The following NCMAP variants were observed in gnomAD, a reference collection of about 807,000 sequenced individuals.
NCMAP encodes the protein noncompact myelin-associated protein.
NCMAP carries 8 observed loss-of-function variants against 7.8 expected under a neutral mutation model. The observed-to-expected ratio is 1.02, with a 90% CI of 0.60 to 1.84. NCMAP has a LOEUF of 1.84. Ranked by LOEUF, NCMAP falls within the 40% of genes most tolerant of loss-of-function variation. The probability of loss-of-function intolerance (pLI) is 0.00; values close to 1 mark genes in which losing one functional copy is unlikely to be tolerated. For missense variants in NCMAP, 112 were observed against 131.4 expected, an observed-to-expected ratio of 0.85 and a Z score of 0.72; for synonymous variants, 41 against 52.9, an observed-to-expected ratio of 0.78 and a Z score of 0.98.
At chr1:24,605,076 A>G (rs79941457) in intron 3 of NCMAP, among the ~76,000 whole-genome samples, 6,027 of 151,912 alleles carry the variant, frequency 0.04, 401 homozygotes, top group African/African-American at 0.14. Context: ...AGATCGCTCC[A>G]CTGCACTCCA....
intron 1 of NCMAP, among the ~76,000 whole-genome samples, chr1:24,564,533 C>CAAA (rs1237685346): frequency 2.4e-5 from 2 of 82,272 alleles, no homozygotes; most frequent in Non-Finnish European, 4.5e-5. Flanking sequence ...AAAAAAAAAA[C>CAAA]AAAAAAAAAC....
rs1570518955 is a variant in NCMAP at position 24,572,818 on chromosome 1, G to A, written c.-8+16649G>A. On this transcript the variant is annotated intron_variant, in intron 1 of 3. Coordinates refer to ENST00000374392, the MANE Select transcript of NCMAP (RefSeq NM_001010980.5). ...TTTTCCTCTGGCACGTCAAGGAGCG[G>A]GCAGGATGGGTGCTGCCAGGCCCTG... Among the ~76,000 whole-genome samples, 3 of 150,750 alleles carry A rather than the reference G, an allele frequency of 2.0e-5. No individual in the cohort carries two copies. In the East Asian group the frequency reaches 5.8e-4, roughly 29 times the overall value.
At chr1:24,567,992 G>A (rs920191450) in intron 1 of NCMAP, among the ~76,000 whole-genome samples, 8 of 152,038 alleles carry the variant, frequency 5.3e-5, no homozygotes, top group East Asian at 3.9e-4. Context: ...CGCCCTGGCC[G>A]TATTGGAATC....
chr1:24,586,759 CAAAAAAAAAA>C (rs71577722), intron 1 of NCMAP, among the ~76,000 whole-genome samples: 1 of 107,426 alleles, frequency 9.3e-6, no homozygotes, highest in Admixed American at 9.8e-5. Context: ...GACTCCATCT[CAAAAAAAAAA>C]AAAAAAAAGC....
rs1652467137 is a variant in NCMAP at position 24,600,946 on chromosome 1, G to A, written c.89G>A (p.Gly30Glu). 1 of 1,614,052 alleles carries A rather than the reference G, an allele frequency of 6.2e-7. No individual in the cohort carries two copies. Reference sequence around the variant, plus strand: ...GCTTCTCTCCTTTCTGTAGGTTCTGGAGCCATTGTTGCTGCCGTTGTGGTG... The same window carrying A: ...GCTTCTCTCCTTTCTGTAGGTTCTGAAGCCATTGTTGCTGCCGTTGTGGTG... ...RGEDFLYKSS[G>E]AIVAAVVVVV... Residue 30 changes from glycine to glutamate, a missense_variant, in exon 3 of 4, where the codon GGA (glycine) becomes GAA (glutamate). Coordinates refer to ENST00000374392, the MANE Select transcript of NCMAP (RefSeq NM_001010980.5).
chr1:24,558,374 C>T (rs1650965102), intron 1 of NCMAP, among the ~76,000 whole-genome samples: 1 of 152,182 alleles, frequency 6.6e-6, no homozygotes. Flanking sequence ...ATGCATCCAC[C>T]CAGGCTGAGG....
Position 24,576,982 on chromosome 1 carries a change from AAAAAAATTAG to A in NCMAP, c.-7-18441_-7-18432del, listed in dbSNP as rs1254053323. ...GTCTCTACTAAAAGCACACACACACAAAAAAATTAGCTGGGCGTGGTGGTGCATGCCTGTG... is the reference window on the plus strand; with the variant it reads ...GTCTCTACTAAAAGCACACACACACACTGGGCGTGGTGGTGCATGCCTGTG... On this transcript the variant is annotated intron_variant, in intron 1 of 3. Transcript: ENST00000374392. The surrounding 1 kb of genome is among the most constrained non-coding windows in gnomAD (Gnocchi z 4.0). Among the ~76,000 whole-genome samples the A allele has an allele frequency of 6.6e-6, 1 of 151,522 alleles. No individual in the cohort carries two copies. Among genetic ancestry groups the A allele is most frequent in the Non-Finnish European group, 1.5e-5 (1 of 67,852 alleles).
chr1:24,578,067 A>C (rs1228979553), intron 1 of NCMAP, among the ~76,000 whole-genome samples: 1 of 151,984 alleles, frequency 6.6e-6, no homozygotes, highest in Non-Finnish European at 1.5e-5. Context: ...GCTGGAGACC[A>C]GCCTGGGCAA....
In NCMAP at chr1:24,607,042, T is replaced by A. The variant is rs1202108000; in HGVS notation, c.*1295T>A. 2.0e-5 allele frequency: 3 copies of A among 151,474 alleles called. No homozygotes were observed. Among genetic ancestry groups the A allele is most frequent in the African/African-American group, 7.3e-5 (3 of 41,150 alleles). The allele number at this position is 151,474 out of a possible 1,614,324, so 9.4% of individuals were successfully genotyped here. ...CAGAGCCTCAATCTGTCACCTGGGCTGGAGTGCAGTGGCACGCTCACAGCT... is the reference window on the plus strand; with the variant it reads ...CAGAGCCTCAATCTGTCACCTGGGCAGGAGTGCAGTGGCACGCTCACAGCT... On this transcript the variant is annotated 3_prime_UTR_variant, in exon 4 of 4. Coordinates refer to ENST00000374392, the MANE Select transcript of NCMAP (RefSeq NM_001010980.5).
intron 2 of NCMAP, among the ~76,000 whole-genome samples, chr1:24,598,816 T>A (rs1652352012): frequency 6.6e-6 from 1 of 151,458 alleles, no homozygotes; most frequent in African/African-American, 2.4e-5. Flanking sequence ...TTTTGTATTT[T>A]TAGTAGAGAC....
At chr1:24,587,674 C>T (rs1009617351) in intron 1 of NCMAP, among the ~76,000 whole-genome samples, 1 of 151,902 alleles carries the variant, frequency 6.6e-6, no homozygotes, top group Non-Finnish European at 1.5e-5. Flanking sequence ...CCAATATGCC[C>T]GGCTAATTTT....
chr1:24,573,317 G>A (rs868267700), intron 1 of NCMAP, among the ~76,000 whole-genome samples: 3 of 150,896 alleles, frequency 2.0e-5, no homozygotes, highest in Non-Finnish European at 2.9e-5. Flanking sequence ...GGGGCTGGGC[G>A]CAGTGGCTCA....
intron 1 of NCMAP, among the ~76,000 whole-genome samples, chr1:24,593,726 G>C (rs1023814131): frequency 5.9e-5 from 9 of 152,032 alleles, no homozygotes; most frequent in African/African-American, 9.7e-5. Flanking sequence ...AACAAGCCTA[G>C]GCAATTCTCT....
At position 24,596,156 on chromosome 1, in the gene NCMAP, C is replaced by T. The variant is rs138611242; in HGVS notation, c.82+644C>T. ...GATTAGCTGGGCATGGTGGTGTGCA[C>T]CTGTTACTCAGGAGGCTGAGGCAGG... On this transcript the variant is annotated intron_variant, in intron 2 of 3. Transcript: ENST00000374392. Among the ~76,000 whole-genome samples the T allele has an allele frequency of 3.3e-3, 508 of 152,128 alleles. 2 individuals carry two copies. Among genetic ancestry groups the T allele is most frequent in the African/African-American group, 0.012 (480 of 41,510 alleles).
At chr1:24,600,281 G>T (rs1416330295) in intron 2 of NCMAP, among the ~76,000 whole-genome samples, 1 of 151,974 alleles carries the variant, frequency 6.6e-6, no homozygotes, top group African/African-American at 2.4e-5. Flanking sequence ...CTCCCAAGTA[G>T]CTGGCACTAC....
chr1:24,604,589 AAAAAAAAAAAAAAAAAATATATAT>A (rs1652623393), intron 3 of NCMAP, among the ~76,000 whole-genome samples: 1 of 60,248 alleles, frequency 1.7e-5, no homozygotes, highest in Non-Finnish European at 2.8e-5. Context: ...AAAAAAAAAA[AAAAAAAAAAAAAAAAAATATATAT>A]ATATATATAT....
intron 1 of NCMAP, among the ~76,000 whole-genome samples, chr1:24,575,615 A>G (rs1278945677): frequency 6.6e-6 from 1 of 152,172 alleles, no homozygotes; most frequent in African/African-American, 2.4e-5. Flanking sequence ...TATTTAACCC[A>G]GTCCTCACAG....
rs570496352 is a variant in NCMAP at position 24,593,201 on chromosome 1, G to A, written c.-7-2223G>A. 1.4e-4 allele frequency among the ~76,000 whole-genome samples: 21 copies of A among 151,672 alleles called. 1 individual carries two copies. Among genetic ancestry groups the A allele is most frequent in the Admixed American group, 1.1e-3 (17 of 15,222 alleles). On this transcript the variant is annotated intron_variant, in intron 1 of 3. Transcript: ENST00000374392. ...TCAAAAGAAAAAAAAAAAAAGAACT[G>A]GGCTGGGCATAGGGGATCATGCTTG...
chr1:24,602,322 C>CTGCTAGGTGTGGTGG (rs1652528354), intron 3 of NCMAP, among the ~76,000 whole-genome samples: 3 of 137,072 alleles, frequency 2.2e-5, no homozygotes, highest in African/African-American at 7.3e-5. Context: ...TGAATATTAT[C>CTGCTAGGTGTGGTGG]CTGTAATCCC....
Sources: allele counts gnomAD v4.1 joint callset (sites outside exome capture counted in the v4.1 genomes callset), GRCh38; gene constraint gnomAD v4.1.1; non-coding constraint Gnocchi (gnomAD v3.1); transcripts MANE v1.5; gene names NCBI Gene and HGNC (gene_info 2026-07-23, HGNC 2026-07-21).